Variants in DLG2 observed in about 807,000 individuals in gnomAD.
DLG2 encodes discs large MAGUK scaffold protein 2.
DLG2 carries 45 observed loss-of-function variants against 132.5 expected under a neutral mutation model. The observed-to-expected ratio is 0.34, with a 90% CI of 0.27 to 0.44. The LOEUF (loss-of-function observed/expected upper bound fraction) is 0.44. Ranked by LOEUF, DLG2 falls within the 20% of genes least tolerant of loss-of-function variation. The pLI is 1.00. For synonymous variants in DLG2, 424 were observed against 419.6 expected (o/e 1.01, Z -0.13); for missense variants, 1,045 against 1,196.9 (o/e 0.87, Z 1.87).
At chr11:84,860,495 A>G (rs1037297711) in intron 6 of DLG2, among the ~76,000 whole-genome samples, 1 of 152,160 alleles carries the variant, frequency 6.6e-6, no homozygotes, top group Non-Finnish European at 1.5e-5. Context: ...ATAAAAAGCT[A>G]TATTAATGGT....
chr11:84,003,361 A>G (rs912217296), intron 11 of DLG2, among the ~76,000 whole-genome samples: 2 of 152,148 alleles, frequency 1.3e-5, no homozygotes, highest in Non-Finnish European at 2.9e-5. Flanking sequence ...GGGTGTCTTT[A>G]TAGCAGCACC....
At chr11:85,427,414 T>G (rs2153005703) in intron 3 of DLG2, among the ~76,000 whole-genome samples, 1 of 152,296 alleles carries the variant, frequency 6.6e-6, no homozygotes, top group Non-Finnish European at 1.5e-5. Context: ...GCCATCAGAC[T>G]AACAGCTGAT....
chr11:85,369,288 C>T (rs1393124867), intron 3 of DLG2, among the ~76,000 whole-genome samples: 2 of 152,094 alleles, frequency 1.3e-5, no homozygotes, highest in African/African-American at 2.4e-5. Context: ...GGCTCCCAGA[C>T]AAAAGCCACA....
chr11:84,105,363 GATA>G (rs1176183929), intron 9 of DLG2, among the ~76,000 whole-genome samples: 1 of 152,126 alleles, frequency 6.6e-6, no homozygotes, highest in Non-Finnish European at 1.5e-5. Flanking sequence ...GTCAAATGGA[GATA>G]ATGAGATGAA....
At chr11:84,826,429 G>C (rs564561224) in intron 6 of DLG2, among the ~76,000 whole-genome samples, 1 of 151,842 alleles carries the variant, frequency 6.6e-6, no homozygotes, top group Non-Finnish European at 1.5e-5. Context: ...GTCTAGGAGA[G>C]CCTCGGAGGC....
At chr11:84,949,108 A>C (rs903679483) in intron 6 of DLG2, among the ~76,000 whole-genome samples, 5 of 152,144 alleles carry the variant, frequency 3.3e-5, no homozygotes, top group East Asian at 1.9e-4. Flanking sequence ...AAAGGGACAG[A>C]GTACAAAAGA....
At chr11:85,356,776 GTAGATAGATAGATAGA>G (rs58735940) in intron 3 of DLG2, among the ~76,000 whole-genome samples, 2,589 of 147,382 alleles carry the variant, frequency 0.018, 71 homozygotes, top group African/African-American at 0.059. Context: ...CAGTAGGTAA[GTAGATAGATAGATAGA>G]TAGATAGATA....
chr11:84,045,655 G>C (rs2096226706), intron 11 of DLG2, among the ~76,000 whole-genome samples: 1 of 151,472 alleles, frequency 6.6e-6, no homozygotes, highest in Non-Finnish European at 1.5e-5. Context: ...GCACACAAAG[G>C]GATCTGTATA....
intron 7 of DLG2, among the ~76,000 whole-genome samples, chr11:84,504,144 T>C (rs1005744666): frequency 2.0e-5 from 3 of 152,202 alleles, no homozygotes; most frequent in Non-Finnish European, 2.9e-5. Context: ...GAAGAAGTAA[T>C]ATTACTCTAA....
chr11:84,058,360 TAA>T (rs1400720336), intron 11 of DLG2, among the ~76,000 whole-genome samples: 1 of 151,684 alleles, frequency 6.6e-6, no homozygotes, highest in Non-Finnish European at 1.5e-5. Context: ...GCATTATTCT[TAA>T]AAATTAGTAT....
At chr11:85,094,530 G>A (rs922907167) in intron 6 of DLG2, among the ~76,000 whole-genome samples, 10 of 152,112 alleles carry the variant, frequency 6.6e-5, no homozygotes, top group Non-Finnish European at 1.5e-5. Context: ...ATCCACTCTT[G>A]CTTCTTCACC....
chr11:84,474,497 C>T (rs990121849), intron 7 of DLG2, among the ~76,000 whole-genome samples: 2 of 151,950 alleles, frequency 1.3e-5, no homozygotes, highest in Admixed American at 1.3e-4. Context: ...CTGGCACTTG[C>T]TTGAATTTCA....
At chr11:84,042,947 G>C (rs1242000976) in intron 11 of DLG2, among the ~76,000 whole-genome samples, 2 of 151,670 alleles carry the variant, frequency 1.3e-5, no homozygotes, top group East Asian at 3.9e-4. Flanking sequence ...TTTTAAAAGT[G>C]TATTCTTAAG....
chr11:85,136,076 AC>A (rs2076124272), intron 5 of DLG2, among the ~76,000 whole-genome samples: 1 of 152,210 alleles, frequency 6.6e-6, no homozygotes, highest in Non-Finnish European at 1.5e-5. Flanking sequence ...AATATGTTAT[AC>A]CTTTATACAA....
chr11:84,686,195 C>G (rs1045973105), intron 6 of DLG2, among the ~76,000 whole-genome samples: 4 of 152,142 alleles, frequency 2.6e-5, no homozygotes, highest in African/African-American at 9.7e-5. Context: ...GCCTGCTTGC[C>G]TAAGGTCAGA....
chr11:83,850,157 T>TGTGTGTGTGTGG (rs1161184342), intron 16 of DLG2, among the ~76,000 whole-genome samples: 2 of 124,420 alleles, frequency 1.6e-5, no homozygotes, highest in African/African-American at 9.0e-5. Flanking sequence ...TGTGTGTGTG[T>TGTGTGTGTGTGG]GTGTTTTTTT....
intron 8 of DLG2, among the ~76,000 whole-genome samples, chr11:84,207,487 T>C (rs1380539933): frequency 6.6e-6 from 1 of 152,094 alleles, no homozygotes; most frequent in Non-Finnish European, 1.5e-5. Flanking sequence ...TATAGTACCA[T>C]AAATATATAG....
chr11:83,620,123 G>A (rs867961385), intron 19 of DLG2, among the ~76,000 whole-genome samples: 1 of 152,110 alleles, frequency 6.6e-6, no homozygotes, highest in African/African-American at 2.4e-5. Context: ...ATGGAATCCT[G>A]AGTTTGAAAG....
intron 18 of DLG2, among the ~76,000 whole-genome samples, chr11:83,636,432 G>A (rs1189795379): frequency 6.6e-6 from 1 of 152,074 alleles, no homozygotes; most frequent in Non-Finnish European, 1.5e-5. Flanking sequence ...TACTGAAATT[G>A]TCCATTTTCA....
Sources: gnomAD v4.1 joint callset for allele counts (sites outside exome capture counted in the v4.1 genomes callset) on GRCh38, gnomAD v4.1.1 for gene constraint, MANE v1.5 for transcripts, NCBI Gene and HGNC (gene_info 2026-07-23, HGNC 2026-07-21) for gene names.